The following CDH18 variants were observed in gnomAD, a reference collection of about 807,000 sequenced individuals.
CDH18 encodes cadherin-18.
In CDH18, 31 loss-of-function variants were observed where a neutral mutation model predicts 67.9. That is an observed-to-expected ratio of 0.46 (90% CI 0.34 to 0.62). CDH18 has a LOEUF of 0.62. Ranked by LOEUF, CDH18 falls within the 20% of genes least tolerant of loss-of-function variation. CDH18 has a pLI of 0.01. For synonymous variants in CDH18, 362 were observed against 347.2 expected (o/e 1.04, Z -0.48); for missense variants, 890 against 975.5 (o/e 0.91, Z 1.17).
chr5:20,495,245 C>T (rs1029441984), intron 1 of CDH18, among the ~76,000 whole-genome samples: 47 of 152,168 alleles, frequency 3.1e-4, no homozygotes, highest in African/African-American at 1.1e-3. Flanking sequence ...TCAGGTTTCT[C>T]TTTGTTTCTC....
chr5:20,267,635 C>T (rs7726286), intron 1 of CDH18, among the ~76,000 whole-genome samples: 16,574 of 151,868 alleles, frequency 0.11, 1,473 homozygotes, highest in African/African-American at 0.24. Context: ...AAATTTATTC[C>T]TAGGCATTTT....
At chr5:20,105,566 C>T (rs990943848) in intron 2 of CDH18, among the ~76,000 whole-genome samples, 1 of 152,044 alleles carries the variant, frequency 6.6e-6, no homozygotes, top group African/African-American at 2.4e-5. Flanking sequence ...AAACTGTAAA[C>T]AACCCCATCA....
chr5:20,350,130 C>G (rs1232714660), intron 1 of CDH18, among the ~76,000 whole-genome samples: 1 of 152,136 alleles, frequency 6.6e-6, no homozygotes, highest in Non-Finnish European at 1.5e-5. Context: ...TGTCTCCTTG[C>G]TTACTGATTT....
At chr5:20,138,996 C>G (rs1050150798) in intron 2 of CDH18, among the ~76,000 whole-genome samples, 1 of 152,154 alleles carries the variant, frequency 6.6e-6, no homozygotes, top group African/African-American at 2.4e-5. Flanking sequence ...AAAAAAGAAC[C>G]TGCATTGCCA....
chr5:20,080,461 T>C (rs1459579943), intron 2 of CDH18, among the ~76,000 whole-genome samples: 1 of 152,138 alleles, frequency 6.6e-6, no homozygotes, highest in Non-Finnish European at 1.5e-5. Flanking sequence ...AGTACCAACA[T>C]AGATGGATAT....
At chr5:20,069,381 C>A (rs531442430) in intron 2 of CDH18, among the ~76,000 whole-genome samples, 1 of 149,608 alleles carries the variant, frequency 6.7e-6, no homozygotes, top group African/African-American at 2.4e-5. Context: ...TCACTCTCTA[C>A]TGCATTGCCC....
intron 1 of CDH18, among the ~76,000 whole-genome samples, chr5:20,550,007 G>T (rs781661816): frequency 2.6e-5 from 4 of 152,112 alleles, no homozygotes; most frequent in Non-Finnish European, 5.9e-5. Flanking sequence ...GAAATGCACA[G>T]ACTGTATTTC....
At chr5:19,643,397 CG>C (rs1754309619) in intron 5 of CDH18, among the ~76,000 whole-genome samples, 1 of 152,054 alleles carries the variant, frequency 6.6e-6, no homozygotes, top group South Asian at 2.1e-4. Flanking sequence ...TTCATTGTAG[CG>C]TAATTCACAA....
chr5:19,896,310 T>C (rs1332043697), intron 2 of CDH18, among the ~76,000 whole-genome samples: 1 of 151,896 alleles, frequency 6.6e-6, no homozygotes, highest in East Asian at 1.9e-4. Context: ...GAACACATCA[T>C]TGCACTCGAG....
In CDH18 at chr5:19,994,855, T is replaced by TAGAGAGAGAGAGAG. The variant is rs1554078420; in HGVS notation, c.-517-2855_-517-2842dup. On this transcript the variant is annotated intron_variant, in intron 2 of 14. Transcript: ENST00000507958. ...ATATATATATATATATATATATATA[T>TAGAGAGAGAGAGAG]AGAGAGAGAGAGAGAGAGAGAGATG... Among the ~76,000 whole-genome samples the TAGAGAGAGAGAGAG allele has an allele frequency of 7.8e-4, 53 of 67,582 alleles. 5 individuals carry two copies. The highest frequency in any genetic ancestry group is 2.7e-3 in the African/African-American group (37 of 13,596). The allele number at this position is 67,582 out of a possible 152,430, so 44.3% of individuals were successfully genotyped here.
At chr5:19,704,094 G>C (rs1580966298) in intron 5 of CDH18, among the ~76,000 whole-genome samples, 1 of 152,152 alleles carries the variant, frequency 6.6e-6, no homozygotes, top group Admixed American at 6.5e-5. Context: ...GAAATTAAAC[G>C]AACAGGAGGA....
intron 2 of CDH18, among the ~76,000 whole-genome samples, chr5:20,251,958 G>A (rs900797150): frequency 1.3e-5 from 2 of 152,018 alleles, no homozygotes; most frequent in Non-Finnish European, 2.9e-5. Flanking sequence ...TAGAATATGC[G>A]TGATGAAGTG....
intron 12 of CDH18, among the ~76,000 whole-genome samples, chr5:19,474,596 C>T (rs537652989): frequency 6.6e-6 from 1 of 152,006 alleles, no homozygotes; most frequent in Non-Finnish European, 1.5e-5. Context: ...GAAAGAGTAT[C>T]TAAATAACCA....
chr5:19,631,767 G>C (rs1289500170), intron 5 of CDH18, among the ~76,000 whole-genome samples: 2 of 152,116 alleles, frequency 1.3e-5, no homozygotes, highest in Non-Finnish European at 2.9e-5. Flanking sequence ...GCATTTATAT[G>C]TGTAATGAAC....
chr5:20,277,442 T>C (rs1745894551), intron 1 of CDH18, among the ~76,000 whole-genome samples: 1 of 152,116 alleles, frequency 6.6e-6, no homozygotes, highest in Non-Finnish European at 1.5e-5. Context: ...AGCCACACCA[T>C]TACTGGGCTT....
chr5:20,135,019 A>G (rs1749580618), intron 2 of CDH18, among the ~76,000 whole-genome samples: 1 of 152,000 alleles, frequency 6.6e-6, no homozygotes, highest in African/African-American at 2.4e-5. Context: ...TGATGACTGT[A>G]TATTTATTTT....
At chr5:19,524,674 C>A (rs1747454444) in intron 9 of CDH18, among the ~76,000 whole-genome samples, 1 of 152,002 alleles carries the variant, frequency 6.6e-6, no homozygotes, top group Non-Finnish European at 1.5e-5. Flanking sequence ...TTTTAAAAAT[C>A]TGGGGTAAGA....
chr5:19,873,808 C>T (rs139741142), intron 2 of CDH18, among the ~76,000 whole-genome samples: 3 of 151,980 alleles, frequency 2.0e-5, no homozygotes, highest in East Asian at 1.9e-4. Context: ...CTGCCATGCC[C>T]GGCTAATTTT....
chr5:20,278,923 G>A lies in CDH18; in HGVS notation c.-579-23418C>T, dbSNP rs553784081. Among the ~76,000 whole-genome samples, 38 of 152,028 alleles carry A rather than the reference G, an allele frequency of 2.5e-4. No individual in the cohort carries two copies. In the South Asian group the frequency reaches 5.8e-3, roughly 23 times the overall value. On this transcript the variant is annotated intron_variant, in intron 1 of 14. Transcript: ENST00000507958. The stretch of plus-strand genomic sequence containing the variant: ...TAACATGTAAGAAATTAAAATACAT[G>A]ACCAGAGAAACTAAAAAATGAAAAG...
Sources: gnomAD v4.1 joint callset for allele counts (sites outside exome capture counted in the v4.1 genomes callset) on GRCh38, gnomAD v4.1.1 for gene constraint, MANE v1.5 for transcripts, NCBI Gene and HGNC (gene_info 2026-07-23, HGNC 2026-07-21) for gene names.